NDUFAF2: variants seen among roughly 807,000 people sequenced by gnomAD.
NDUFAF2 encodes the protein NADH:ubiquinone oxidoreductase complex assembly factor 2.
In NDUFAF2, 13 loss-of-function variants were observed where a neutral mutation model predicts 22.8. That is an observed-to-expected ratio of 0.57 (90% CI 0.37 to 0.91). The LOEUF (loss-of-function observed/expected upper bound fraction) is 0.91. Among genes scored for constraint, NDUFAF2 ranks in the 40% least tolerant of loss-of-function variants. The probability of loss-of-function intolerance (pLI) is 0.01; values close to 1 mark genes in which losing one functional copy is unlikely to be tolerated. For missense variants in NDUFAF2, 162 were observed against 195.2 expected, an observed-to-expected ratio of 0.83 and a Z score of 1.01; for synonymous variants, 53 against 64.2, an observed-to-expected ratio of 0.83 and a Z score of 0.84.
chr5:60,945,340 G>T lies in NDUFAF2; in HGVS notation c.85G>T (p.Gly29Trp), dbSNP rs778263229. The T allele has an allele frequency of 1.2e-6, 2 of 1,614,016 alleles. No homozygotes were observed. Among genetic ancestry groups the T allele is most frequent in the African/African-American group, 2.7e-5 (2 of 74,916 alleles). The change falls in exon 1 of 4, where the codon GGG becomes TGG. Residue 29 changes from glycine to tryptophan, a missense_variant. Coordinates refer to ENST00000296597, the MANE Select transcript of NDUFAF2 (RefSeq NM_174889.5). The part of the protein sequence containing the change: ...VKEHVGTDQF[G>W]NKYYYIPQYK... ...GGAGCACGTGGGCACGGACCAATTCGGGAACAAATACTACTACATCCCGCA... is the reference window on the plus strand; with the variant it reads ...GGAGCACGTGGGCACGGACCAATTCTGGAACAAATACTACTACATCCCGCA...
At chr5:61,133,868 A>C (rs295570) in intron 3 of NDUFAF2, among the ~76,000 whole-genome samples, 6,617 of 152,320 alleles carry the variant, frequency 0.043, 173 homozygotes, top group South Asian at 0.08. Context: ...GGCAGGCAAA[A>C]ACCTATTTTC....
chr5:60,948,821 T>G (rs768126672), intron 1 of NDUFAF2, among the ~76,000 whole-genome samples: 3 of 152,180 alleles, frequency 2.0e-5, no homozygotes, highest in Non-Finnish European at 4.4e-5. Context: ...TATTTAGAAA[T>G]GGAATGGCTG....
chr5:60,989,944 T>C (rs1391604596), intron 1 of NDUFAF2, among the ~76,000 whole-genome samples: 1 of 152,144 alleles, frequency 6.6e-6, no homozygotes, highest in East Asian at 1.9e-4. Context: ...ATGTGGTACA[T>C]ATATAAAATG....
At chr5:61,072,964 C>T (rs552290747) in intron 1 of NDUFAF2, among the ~76,000 whole-genome samples, 161 bp from the exon 2 acceptor site, 2 of 152,186 alleles carry the variant, frequency 1.3e-5, no homozygotes, top group South Asian at 4.2e-4. Flanking sequence ...TTAGAATTTG[C>T]CTTTTGTAAT....
intron 3 of NDUFAF2, among the ~76,000 whole-genome samples, chr5:61,127,175 A>G (rs928250200): frequency 6.6e-6 from 1 of 152,218 alleles, no homozygotes; most frequent in Non-Finnish European, 1.5e-5. Flanking sequence ...GTCCAGGACC[A>G]GACAGATTCA....
intron 1 of NDUFAF2, among the ~76,000 whole-genome samples, chr5:61,065,194 A>T (rs1349204142): frequency 6.6e-6 from 1 of 152,078 alleles, no homozygotes; most frequent in Non-Finnish European, 1.5e-5. Context: ...TAATAAAGAC[A>T]TTAAAGAAGT....
chr5:61,120,891 A>T (rs913180075), intron 3 of NDUFAF2, among the ~76,000 whole-genome samples: 2 of 152,096 alleles, frequency 1.3e-5, no homozygotes, highest in Non-Finnish European at 2.9e-5. Context: ...CACCAAAACA[A>T]TTTATGTTTT....
At chr5:61,020,660 T>C (rs1400585328) in intron 1 of NDUFAF2, among the ~76,000 whole-genome samples, 6 of 151,990 alleles carry the variant, frequency 3.9e-5, no homozygotes, top group African/African-American at 1.4e-4. Context: ...TAAGCAATCC[T>C]CCTACTTCAG....
chr5:61,128,070 G>C (rs1415694361), intron 3 of NDUFAF2, among the ~76,000 whole-genome samples: 4 of 151,958 alleles, frequency 2.6e-5, no homozygotes, highest in Non-Finnish European at 4.4e-5. Flanking sequence ...GAATAAAATA[G>C]CTAGGAATCC....
intron 1 of NDUFAF2, among the ~76,000 whole-genome samples, chr5:60,999,358 T>G (rs1008587953): frequency 6.6e-6 from 1 of 152,082 alleles, no homozygotes; most frequent in Non-Finnish European, 1.5e-5. Context: ...ATATGGTATA[T>G]ACATACAATG....
chr5:61,020,787 T>G (rs543327772), intron 1 of NDUFAF2, among the ~76,000 whole-genome samples: 34 of 152,218 alleles, frequency 2.2e-4, no homozygotes, highest in Admixed American at 2.0e-3. Context: ...AACCTCTGCC[T>G]CCTGGTTCAG....
At chr5:60,956,372 A>T (rs538938378) in intron 1 of NDUFAF2, among the ~76,000 whole-genome samples, 1 of 152,128 alleles carries the variant, frequency 6.6e-6, no homozygotes, top group East Asian at 1.9e-4. Context: ...TGCTCTTGCT[A>T]GAACTTCTGT....
chr5:60,987,377 C>T (rs61223510), intron 1 of NDUFAF2, among the ~76,000 whole-genome samples: 135 of 152,260 alleles, frequency 8.9e-4, no homozygotes, highest in African/African-American at 3.0e-3. Context: ...ACCATTCCTA[C>T]TGAAGATATT....
chr5:61,040,286 A>ACGCGCGCG (rs1323303366), intron 1 of NDUFAF2, among the ~76,000 whole-genome samples: 26 of 93,072 alleles, frequency 2.8e-4, no homozygotes, highest in African/African-American at 1.0e-3. Context: ...ACACACACAC[A>ACGCGCGCG]CGCGCGCGCG....
chr5:61,046,573 T>C (rs776258061), intron 1 of NDUFAF2, among the ~76,000 whole-genome samples: 7 of 152,158 alleles, frequency 4.6e-5, no homozygotes, highest in Non-Finnish European at 8.8e-5. Context: ...CATTTTGCTA[T>C]ATATTATCTA....
intron 1 of NDUFAF2, among the ~76,000 whole-genome samples, chr5:60,977,704 G>A (rs1750920352): frequency 6.6e-6 from 1 of 151,994 alleles, no homozygotes; most frequent in African/African-American, 2.4e-5. Context: ...AGGCATGGTG[G>A]CACACGCCTG....
intron 1 of NDUFAF2, among the ~76,000 whole-genome samples, chr5:61,008,898 G>A (rs148351363): frequency 6.6e-6 from 1 of 151,982 alleles, no homozygotes; most frequent in Non-Finnish European, 1.5e-5. Context: ...TGAACTAACC[G>A]CCTTCCTTGT....
At chr5:61,053,735 A>G (rs1424355249) in intron 1 of NDUFAF2, among the ~76,000 whole-genome samples, 1 of 152,206 alleles carries the variant, frequency 6.6e-6, no homozygotes, top group Non-Finnish European at 1.5e-5. Flanking sequence ...TAGTTTCCTA[A>G]AGAAACAATA....
chr5:61,146,866 A>C (rs189046401), intron 3 of NDUFAF2, among the ~76,000 whole-genome samples: 16 of 151,906 alleles, frequency 1.1e-4, no homozygotes, highest in Admixed American at 1.0e-3. Context: ...TGTATTTTCC[A>C]TTGTCTTATA....
Sources: gnomAD v4.1 joint callset for allele counts (sites outside exome capture counted in the v4.1 genomes callset) on GRCh38, gnomAD v4.1.1 for gene constraint, MANE v1.5 for transcripts, NCBI Gene and HGNC (gene_info 2026-07-23, HGNC 2026-07-21) for gene names.